Variants in PDE4D observed in about 807,000 individuals in gnomAD.
PDE4D encodes phosphodiesterase 4D, also known as 3',5'-cyclic-AMP phosphodiesterase 4D.
In PDE4D, 24 loss-of-function variants were observed where a neutral mutation model predicts 87.4. The observed-to-expected ratio is 0.27, with a 90% CI of 0.20 to 0.39. The LOEUF is 0.39. Among genes scored for constraint, PDE4D ranks in the 10% least tolerant of loss-of-function variants. The pLI is 1.00. For synonymous variants in PDE4D, 384 were observed against 383.2 expected, an observed-to-expected ratio of 1.00 and a Z score of -0.02; for missense variants, 714 against 1,041.0, an observed-to-expected ratio of 0.69 and a Z score of 4.32.
chr5:59,375,526 T>C (rs748169882), intron 1 of PDE4D, among the ~76,000 whole-genome samples: 6 of 152,062 alleles, frequency 3.9e-5, no homozygotes, highest in Non-Finnish European at 7.4e-5. Context: ...TAAAAAGCAC[T>C]GAAATTGAGT....
intron 1 of PDE4D, among the ~76,000 whole-genome samples, chr5:59,835,286 C>T (rs1741848102): frequency 6.6e-6 from 1 of 151,976 alleles, no homozygotes. Context: ...CCTTTCCCTC[C>T]AGGTAGACTC....
At chr5:60,042,990 A>C (rs1027792904) in intron 2 of PDE4D, among the ~76,000 whole-genome samples, 4 of 152,092 alleles carry the variant, frequency 2.6e-5, no homozygotes, top group Non-Finnish European at 5.9e-5. Flanking sequence ...GGTAACAACA[A>C]ATGGCTCCGA....
chr5:59,039,323 G>A (rs928947623), intron 5 of PDE4D: 3 of 1,036,660 alleles, frequency 2.9e-6, no homozygotes, highest in Non-Finnish European at 3.5e-6. Flanking sequence ...CCAGGAGCCC[G>A]GCTCTAGCGG....
At chr5:59,149,707 T>TTTG (rs1491209032) in intron 5 of PDE4D, among the ~76,000 whole-genome samples, 1 of 12,496 alleles carries the variant, frequency 8.0e-5, no homozygotes, top group Non-Finnish European at 1.8e-4. Context: ...TCTCCTCGAG[T>TTTG]TTTTTTTTTT....
chr5:60,427,101 T>C (rs1410695381), intron 1 of PDE4D, among the ~76,000 whole-genome samples: 2 of 152,098 alleles, frequency 1.3e-5, no homozygotes, highest in Non-Finnish European at 2.9e-5. Flanking sequence ...TAAATGTAAT[T>C]GGAATCCTAG....
chr5:60,236,594 G>T (rs901287249), intron 1 of PDE4D, among the ~76,000 whole-genome samples: 1 of 151,960 alleles, frequency 6.6e-6, no homozygotes, highest in African/African-American at 2.4e-5. Flanking sequence ...GGGGGCTGTG[G>T]TTGCAGATGG....
chr5:59,057,529 T>C (rs573347781), intron 5 of PDE4D, among the ~76,000 whole-genome samples: 1 of 152,302 alleles, frequency 6.6e-6, no homozygotes, highest in South Asian at 2.1e-4. Flanking sequence ...TAGAGCATGT[T>C]AGGATTTTTG....
chr5:59,511,833 G>A (rs60268428), intron 1 of PDE4D, among the ~76,000 whole-genome samples: 21 of 152,186 alleles, frequency 1.4e-4, no homozygotes, highest in East Asian at 3.9e-4. Flanking sequence ...GTTACAGCCC[G>A]TTGGACAATA....
intron 1 of PDE4D, among the ~76,000 whole-genome samples, chr5:60,282,970 G>A (rs977767635): frequency 2.6e-5 from 4 of 152,134 alleles, no homozygotes; most frequent in South Asian, 4.1e-4. Flanking sequence ...ATGCACATTT[G>A]AAAAGAATGT....
chr5:59,311,499 CAAAAAAAAA>C (rs35020719), intron 1 of PDE4D, among the ~76,000 whole-genome samples: 11 of 43,356 alleles, frequency 2.5e-4, no homozygotes, highest in African/African-American at 5.7e-4. Flanking sequence ...GACTCTGTCT[CAAAAAAAAA>C]AAAAAAAAAA....
intron 1 of PDE4D, among the ~76,000 whole-genome samples, chr5:60,288,204 C>T (rs1044858766): frequency 2.0e-5 from 3 of 152,168 alleles, no homozygotes; most frequent in African/African-American, 7.2e-5. Flanking sequence ...TTGTTTCCCT[C>T]AGATTCATCT....
intron 1 of PDE4D, among the ~76,000 whole-genome samples, chr5:60,514,945 T>C (rs1001446556): frequency 2.6e-5 from 4 of 152,162 alleles, no homozygotes; most frequent in African/African-American, 4.8e-5. Context: ...AAAGAATCTA[T>C]AGCTGAAGTG....
At chr5:59,985,305 A>AT (rs972993875) in intron 3 of PDE4D, among the ~76,000 whole-genome samples, 9 of 149,886 alleles carry the variant, frequency 6.0e-5, no homozygotes, top group Middle Eastern at 3.2e-3. Context: ...AGCCCGGCTA[A>AT]TTTTTTTTTG....
At chr5:59,673,733 A>T (rs1747605759) in intron 1 of PDE4D, among the ~76,000 whole-genome samples, 1 of 152,240 alleles carries the variant, frequency 6.6e-6, no homozygotes, top group Admixed American at 6.5e-5. Context: ...TTGAAAGAAG[A>T]GAAATAGAAT....
At chr5:59,706,464 T>G (rs559504146) in intron 1 of PDE4D, among the ~76,000 whole-genome samples, 4 of 152,130 alleles carry the variant, frequency 2.6e-5, no homozygotes, top group Non-Finnish European at 4.4e-5. Flanking sequence ...ATATCAGACA[T>G]GATGTGATTA....
chr5:60,396,110 A>AG (rs1482354080), intron 1 of PDE4D, among the ~76,000 whole-genome samples: 2 of 152,196 alleles, frequency 1.3e-5, no homozygotes, highest in African/African-American at 4.8e-5. Flanking sequence ...ATCCACCCAA[A>AG]GGGGGCACTG....
chr5:60,467,323 C>T (rs1747440149), intron 1 of PDE4D, among the ~76,000 whole-genome samples: 1 of 152,168 alleles, frequency 6.6e-6, no homozygotes, highest in Non-Finnish European at 1.5e-5. Flanking sequence ...CAGGCATGAG[C>T]CACCAGGCCC....
chr5:59,724,533 T>C (rs529196062), intron 1 of PDE4D, among the ~76,000 whole-genome samples: 70 of 152,192 alleles, frequency 4.6e-4, no homozygotes, highest in Middle Eastern at 3.4e-3. Flanking sequence ...ACAGAACAGG[T>C]AGCAGTTAGA....
At chr5:59,627,173 G>A (rs1431081941) in intron 1 of PDE4D, among the ~76,000 whole-genome samples, 1 of 152,130 alleles carries the variant, frequency 6.6e-6, no homozygotes. Flanking sequence ...TCAGGTAATT[G>A]TGACTTGACT....
Sources: allele counts gnomAD v4.1 joint callset (sites outside exome capture counted in the v4.1 genomes callset), GRCh38; gene constraint gnomAD v4.1.1; transcripts MANE v1.5; gene names NCBI Gene and HGNC (gene_info 2026-07-23, HGNC 2026-07-21).